The following CDK14 variants were observed in gnomAD, a reference collection of about 807,000 sequenced individuals.
CDK14 encodes the protein cyclin dependent kinase 14.
Under a neutral mutation model 60.7 loss-of-function variants are expected in CDK14, and 34 were observed. The ratio of observed to expected loss-of-function variants is 0.56; its 90% confidence interval spans 0.43 to 0.75. The LOEUF is 0.75. Ranked by LOEUF, CDK14 falls within the 30% of genes least tolerant of loss-of-function variation. CDK14 has a pLI of 0.00. For synonymous variants in CDK14, 197 were observed against 203.7 expected (o/e 0.97, Z 0.28); for missense variants, 482 against 564.1 (o/e 0.85, Z 1.47).
chr7:91,048,843 G>A (rs564979366), intron 11 of CDK14, among the ~76,000 whole-genome samples: 9 of 152,016 alleles, frequency 5.9e-5, no homozygotes, highest in African/African-American at 2.2e-4. Context: ...TTACAGTTGA[G>A]TTGTGTTTTT....
Position 90,687,914 on chromosome 7 carries a change from A to G in CDK14, c.124-38653A>G, listed in dbSNP as rs544621695. Among the ~76,000 whole-genome samples, 4 of 152,316 alleles carry G rather than the reference A, an allele frequency of 2.6e-5. No individual in the cohort carries two copies. In the East Asian group the frequency reaches 7.7e-4, roughly 29 times the overall value. ...ATGATGATCTAAAGCAAATAGGAAC[A>G]GTTGCTGCAGCTGAAAGTGTTGATA... On this transcript the variant is annotated intron_variant, in intron 2 of 14. Transcript: ENST00000380050.
At chr7:90,895,642 C>A (rs1792312547) in intron 6 of CDK14, among the ~76,000 whole-genome samples, 1 of 142,448 alleles carries the variant, frequency 7.0e-6, no homozygotes, top group African/African-American at 2.6e-5. Flanking sequence ...CTCACTGCAA[C>A]CTCCGTCTCT....
chr7:90,754,994 A>G (rs1392555778), intron 4 of CDK14, among the ~76,000 whole-genome samples: 3 of 152,164 alleles, frequency 2.0e-5, no homozygotes, highest in Non-Finnish European at 4.4e-5. Context: ...AGAAAAGGGA[A>G]CGCTTATACA....
chr7:90,885,499 C>A (rs1415278565), intron 6 of CDK14, among the ~76,000 whole-genome samples: 1 of 152,166 alleles, frequency 6.6e-6, no homozygotes, highest in East Asian at 1.9e-4. Flanking sequence ...TTGTGGAAGA[C>A]AGTGTGGCGA....
intron 10 of CDK14, among the ~76,000 whole-genome samples, chr7:91,023,028 G>C (rs146015888): frequency 6.9e-6 from 1 of 145,212 alleles, no homozygotes; most frequent in Non-Finnish European, 1.5e-5. Context: ...TTTTTTTTTC[G>C]TCTAATGAAA....
chr7:90,772,407 G>A (rs1223353879), intron 4 of CDK14, among the ~76,000 whole-genome samples: 1 of 152,208 alleles, frequency 6.6e-6, no homozygotes, highest in Non-Finnish European at 1.5e-5. Context: ...TGGGTGATAT[G>A]GTTTGGCTGT....
intron 3 of CDK14, among the ~76,000 whole-genome samples, chr7:90,734,650 TC>T (rs140948496): frequency 0.16 from 24,439 of 152,114 alleles, 2,071 homozygotes; most frequent in African/African-American, 0.18. Context: ...GCTATGTTTG[TC>T]AGCTCCATTA....
chr7:90,981,966 G>C (rs778310993), intron 9 of CDK14, among the ~76,000 whole-genome samples: 6 of 152,162 alleles, frequency 3.9e-5, no homozygotes, highest in Non-Finnish European at 7.3e-5. Flanking sequence ...ACATATGCTA[G>C]TTTCTTACCA....
intron 11 of CDK14, among the ~76,000 whole-genome samples, chr7:91,064,690 G>T (rs961647184): frequency 5.9e-5 from 9 of 152,156 alleles, no homozygotes; most frequent in Admixed American, 2.0e-4. Context: ...AAATTAAGTG[G>T]TTAGGCCACT....
At chr7:91,200,995 A>G (rs1332227915) in intron 14 of CDK14, among the ~76,000 whole-genome samples, 1 of 152,134 alleles carries the variant, frequency 6.6e-6, no homozygotes, top group Non-Finnish European at 1.5e-5. Flanking sequence ...ATTTGGCACA[A>G]AGTTATCCTA....
chr7:90,749,271 A>G (rs573716715), intron 4 of CDK14, among the ~76,000 whole-genome samples: 4 of 151,068 alleles, frequency 2.6e-5, no homozygotes, highest in Admixed American at 6.6e-5. Flanking sequence ...CCTTCTGTCC[A>G]GAGATCCTGG....
chr7:91,090,536 G>A (rs899369633), intron 12 of CDK14, among the ~76,000 whole-genome samples: 3 of 152,108 alleles, frequency 2.0e-5, no homozygotes, highest in African/African-American at 7.2e-5. Context: ...ATTGCGTGGT[G>A]CAAGATAGAA....
chr7:90,697,592 T>A (rs1260142038), intron 2 of CDK14, among the ~76,000 whole-genome samples: 1 of 152,216 alleles, frequency 6.6e-6, no homozygotes, highest in Non-Finnish European at 1.5e-5. Flanking sequence ...TTGAATTATA[T>A]GGAGCTGAAC....
chr7:90,625,836 T>A (rs1296258569), intron 2 of CDK14, among the ~76,000 whole-genome samples: 1 of 152,246 alleles, frequency 6.6e-6, no homozygotes, highest in Non-Finnish European at 1.5e-5. Context: ...TACTTTGCTT[T>A]TCTTCGTACT....
At chr7:90,995,315 C>T (rs1389889642) in intron 10 of CDK14, among the ~76,000 whole-genome samples, 2 of 152,162 alleles carry the variant, frequency 1.3e-5, no homozygotes, top group Non-Finnish European at 2.9e-5. Flanking sequence ...TGAGGCTTGA[C>T]CTAAGCTTTG....
intron 2 of CDK14, among the ~76,000 whole-genome samples, chr7:90,688,272 C>T (rs4410845): frequency 0.58 from 88,113 of 151,816 alleles, 25,786 homozygotes; most frequent in East Asian, 0.77. Context: ...AGATCAGTCA[C>T]AGACCAGTGA....
chr7:90,933,418 C>T (rs1483649520), intron 8 of CDK14, among the ~76,000 whole-genome samples: 2 of 152,066 alleles, frequency 1.3e-5, no homozygotes, highest in African/African-American at 4.8e-5. Context: ...TTGGTTGTTG[C>T]TCATGTGAAA....
At chr7:91,198,212 C>T (rs1486444150) in intron 14 of CDK14, among the ~76,000 whole-genome samples, 1 of 152,136 alleles carries the variant, frequency 6.6e-6, no homozygotes, top group Non-Finnish European at 1.5e-5. Context: ...TGTGTTCCCA[C>T]CTGTGTTCAG....
chr7:90,850,164 G>A (rs1221190890), intron 5 of CDK14, among the ~76,000 whole-genome samples: 1 of 151,996 alleles, frequency 6.6e-6, no homozygotes, highest in African/African-American at 2.4e-5. Context: ...AAGAAAATGA[G>A]AATGGATTTA....
Sources: allele counts gnomAD v4.1 joint callset (sites outside exome capture counted in the v4.1 genomes callset), GRCh38; gene constraint gnomAD v4.1.1; transcripts MANE v1.5; gene names NCBI Gene and HGNC (gene_info 2026-07-23, HGNC 2026-07-21).